Variants in EYA1 observed in about 807,000 individuals in gnomAD.
The protein encoded by EYA1 is EYA transcriptional coactivator and phosphatase 1.
EYA1 carries 16 observed loss-of-function variants against 82.0 expected under a neutral mutation model. The observed-to-expected ratio is 0.20, with a 90% CI of 0.13 to 0.30. The LOEUF (loss-of-function observed/expected upper bound fraction) is 0.30, where lower values mean the gene tolerates loss of function less well. Among genes scored for constraint, EYA1 ranks in the 10% least tolerant of loss-of-function variants. The pLI is 1.00. For missense variants in EYA1, 633 were observed against 730.7 expected (o/e 0.87, Z 1.54); for synonymous variants, 261 against 264.4 (o/e 0.99, Z 0.12).
chr8:71,329,997 G>A (rs1309541727), intron 4 of EYA1, among the ~76,000 whole-genome samples: 2 of 152,116 alleles, frequency 1.3e-5, no homozygotes, highest in Non-Finnish European at 2.9e-5. Flanking sequence ...GGGAGAGTAA[G>A]GCAGGTGTAC....
chr8:71,519,944 A>C (rs1187706929), intron 2 of EYA1, among the ~76,000 whole-genome samples: 1 of 152,222 alleles, frequency 6.6e-6, no homozygotes, highest in Admixed American at 6.5e-5. Context: ...AAATGGTGAT[A>C]AAATCTAATA....
chr8:71,356,057 A>T lies in EYA1; in HGVS notation c.-5+405T>A, dbSNP rs1431043009. Among the ~76,000 whole-genome samples, 5 of 152,224 alleles carry T rather than the reference A, an allele frequency of 3.3e-5. No homozygotes were observed. In the East Asian group the frequency reaches 9.6e-4, roughly 29 times the overall value. ...ACCCTATCAGGTCAATAAAAGCTAC[A>T]GTCATTTTAATTTAGAGGTCGCACT... is the stretch of plus-strand genomic sequence containing the variant. On this transcript the variant is annotated intron_variant, in intron 2 of 17. Coordinates refer to ENST00000340726, the MANE Select transcript of EYA1 (RefSeq NM_000503.6).
At chr8:71,319,474 T>C (rs147136190) in intron 6 of EYA1, among the ~76,000 whole-genome samples, 1 of 151,994 alleles carries the variant, frequency 6.6e-6, no homozygotes, top group South Asian at 2.1e-4. Context: ...TGGTTCCAGA[T>C]GGGGATCTTT....
chr8:71,342,313 A>G (rs1825232074), intron 3 of EYA1, among the ~76,000 whole-genome samples: 1 of 152,066 alleles, frequency 6.6e-6, no homozygotes, highest in Admixed American at 6.6e-5. Context: ...ATCTACTATC[A>G]ATTCCTTCTT....
intron 2 of EYA1, among the ~76,000 whole-genome samples, chr8:71,487,720 G>C (rs1309136855): frequency 6.6e-6 from 1 of 152,084 alleles, no homozygotes; most frequent in Non-Finnish European, 1.5e-5. Context: ...ACGGGCATAA[G>C]AAAAAGGTCT....
At chr8:71,290,210 A>T (rs928140053) in intron 9 of EYA1, among the ~76,000 whole-genome samples, 3 of 152,234 alleles carry the variant, frequency 2.0e-5, no homozygotes, top group Non-Finnish European at 4.4e-5. Context: ...AAAGCCACTT[A>T]CCAAACGATG....
chr8:71,432,363 T>C (rs1173564960), intron 2 of EYA1, among the ~76,000 whole-genome samples: 2 of 152,240 alleles, frequency 1.3e-5, no homozygotes, highest in Non-Finnish European at 2.9e-5. Flanking sequence ...ATATGACTAC[T>C]ATATATCCTT....
intron 2 of EYA1, among the ~76,000 whole-genome samples, chr8:71,524,553 T>A (rs1402635732): frequency 6.6e-6 from 1 of 152,200 alleles, no homozygotes; most frequent in African/African-American, 2.4e-5. Flanking sequence ...TTGATAGAAA[T>A]ACAACAGCCT....
intron 2 of EYA1, among the ~76,000 whole-genome samples, chr8:71,485,558 C>T (rs756598273): frequency 2.6e-5 from 4 of 151,468 alleles, no homozygotes; most frequent in Non-Finnish European, 4.4e-5. Context: ...TACAAGTCAA[C>T]GGAAGAGTAA....
At chr8:71,322,352 C>G (rs1384719654) in intron 4 of EYA1, 84 bp from the exon 5 acceptor site, 27 of 1,210,894 alleles carry the variant, frequency 2.2e-5, no homozygotes, top group Admixed American at 3.5e-5. Flanking sequence ...ATATTTTCAA[C>G]TATAGGTTGG....
intron 2 of EYA1, among the ~76,000 whole-genome samples, chr8:71,518,542 A>G (rs1234938549): frequency 6.6e-6 from 1 of 152,126 alleles, no homozygotes; most frequent in African/African-American, 2.4e-5. Flanking sequence ...TTTTTCTTAT[A>G]TCTACCATGC....
At chr8:71,333,242 A>G (rs766971656) in intron 4 of EYA1, among the ~76,000 whole-genome samples, 2 of 152,230 alleles carry the variant, frequency 1.3e-5, no homozygotes, top group Non-Finnish European at 2.9e-5. Context: ...TGGTATCATT[A>G]GTATCGAAGT....
chr8:71,367,866 A>C (rs1265448260), intron 2 of EYA1, among the ~76,000 whole-genome samples: 1 of 152,242 alleles, frequency 6.6e-6, no homozygotes, highest in Non-Finnish European at 1.5e-5. Flanking sequence ...TAAGGAAAAC[A>C]ATAGCTTCAG....
intron 12 of EYA1, among the ~76,000 whole-genome samples, chr8:71,226,438 T>A (rs1585869832): frequency 6.6e-6 from 1 of 151,732 alleles, no homozygotes; most frequent in African/African-American, 2.4e-5. Context: ...CCACATGATA[T>A]TAAATATATT....
chr8:71,346,477 C>A (rs142879975), intron 3 of EYA1, among the ~76,000 whole-genome samples: 1,367 of 115,280 alleles, frequency 0.012, 25 homozygotes, highest in African/African-American at 0.041. Context: ...CTTCTCCCTG[C>A]AGTTTTCCCC....
intron 2 of EYA1, among the ~76,000 whole-genome samples, chr8:71,434,718 T>C (rs1805877248): frequency 6.6e-6 from 1 of 152,138 alleles, no homozygotes; most frequent in African/African-American, 2.4e-5. Flanking sequence ...AATAAATTGA[T>C]AGTTAGGGAT....
chr8:71,346,431 A>AATATATATATCT (rs1554561504), intron 3 of EYA1, among the ~76,000 whole-genome samples: 1 of 105,492 alleles, frequency 9.5e-6, no homozygotes, highest in African/African-American at 3.4e-5. Flanking sequence ...TACTGCAGTG[A>AATATATATATCT]ATATATATAT....
intron 4 of EYA1, among the ~76,000 whole-genome samples, chr8:71,328,267 TA>T (rs1823399921): frequency 6.6e-6 from 1 of 152,202 alleles, no homozygotes; most frequent in Non-Finnish European, 1.5e-5. Context: ...TTACAAACCG[TA>T]AGCCCTGTTC....
At chr8:71,279,651 C>T (rs947384952) in intron 9 of EYA1, among the ~76,000 whole-genome samples, 40 of 152,036 alleles carry the variant, frequency 2.6e-4, no homozygotes, top group African/African-American at 9.7e-4. Context: ...TGGGATTGAC[C>T]CTTACTCCAG....
Sources: allele counts gnomAD v4.1 joint callset (sites outside exome capture counted in the v4.1 genomes callset), GRCh38; gene constraint gnomAD v4.1.1; transcripts MANE v1.5; gene names NCBI Gene and HGNC (gene_info 2026-07-23, HGNC 2026-07-21).